The following CLEC12A variants were observed in gnomAD, a reference collection of about 807,000 sequenced individuals.
CLEC12A encodes C-type lectin protein CLL-1.
CLEC12A carries 22 observed loss-of-function variants against 26.5 expected under a neutral mutation model. That is an observed-to-expected ratio of 0.83 (90% CI 0.59 to 1.19). The LOEUF is 1.19. Ranked by LOEUF, CLEC12A falls within the 50% of genes most tolerant of loss-of-function variation. The pLI is 0.00. For synonymous variants in CLEC12A, 119 were observed against 101.9 expected (o/e 1.17, Z -1.01); for missense variants, 353 against 315.6 (o/e 1.12, Z -0.90).
chr12:9,984,245 A>T (rs1864681606), intron 5 of CLEC12A: 1 of 152,562 alleles, frequency 6.6e-6, no homozygotes, highest in Admixed American at 6.5e-5. Context: ...CATTTAATTG[A>T]TGAACTTATT....
chr12:9,985,291 G>T lies in CLEC12A; in HGVS notation c.*265G>T. 4 of 402,402 alleles carry T rather than the reference G, an allele frequency of 9.9e-6. No homozygotes were observed. Among genetic ancestry groups the T allele is most frequent in the Non-Finnish European group, 1.3e-5 (3 of 230,918 alleles). 24.9% of individuals were successfully genotyped at this position (402,402 alleles called of 1,614,324 possible). A position where few individuals can be genotyped will look rare whatever the true frequency, so the allele number is the denominator to read the frequency against. On this transcript the variant is annotated 3_prime_UTR_variant, in exon 6 of 6. Transcript: ENST00000304361. The stretch of plus-strand genomic sequence containing the variant: ...AGAGGAAGTCCATTCAGATAGTTGT[G>T]GGGGGCCTTCGAATTTTCATTTTCA...
intron 1 of CLEC12A, among the ~76,000 whole-genome samples, chr12:9,953,571 G>A (rs1165998895): frequency 1.1e-4 from 16 of 148,160 alleles, no homozygotes; most frequent in African/African-American, 3.3e-4. Context: ...CAGCCGCCCC[G>A]TCCGGGAGGG....
upstream of CLEC12A, among the ~76,000 whole-genome samples, chr12:9,970,099 T>C (rs1864071338): frequency 6.6e-6 from 1 of 152,236 alleles, no homozygotes; most frequent in Non-Finnish European, 1.5e-5. Flanking sequence ...TAGCTTTTTC[T>C]TTATCAGGAG....
At chr12:9,964,915 G>C (rs932043002) in intron 1 of CLEC12A, among the ~76,000 whole-genome samples, 1 of 152,176 alleles carries the variant, frequency 6.6e-6, no homozygotes, top group Non-Finnish European at 1.5e-5. Flanking sequence ...AGTCATAGGG[G>C]TCAGGTGTGG....
downstream of CLEC12A, among the ~76,000 whole-genome samples, chr12:9,990,571 G>A (rs1288356444): frequency 6.6e-6 from 1 of 152,160 alleles, no homozygotes; most frequent in Non-Finnish European, 1.5e-5. Flanking sequence ...GATGAGCAAA[G>A]AAAATGGTTC....
intron 1 of CLEC12A, among the ~76,000 whole-genome samples, chr12:9,958,495 G>A (rs946479949): frequency 1.3e-5 from 2 of 152,188 alleles, no homozygotes; most frequent in African/African-American, 4.8e-5. Context: ...GCTTTATAAT[G>A]ATGTGGCAGG....
At chr12:9,962,023 C>A (rs1863837076) in intron 1 of CLEC12A, among the ~76,000 whole-genome samples, 1 of 152,166 alleles carries the variant, frequency 6.6e-6, no homozygotes, top group South Asian at 2.1e-4. Context: ...GTTGTTCTCG[C>A]TGAGTGTACC....
intron 4 of CLEC12A, among the ~76,000 whole-genome samples, chr12:9,993,837 T>C (rs1311346836): frequency 6.6e-6 from 1 of 152,128 alleles, no homozygotes; most frequent in Non-Finnish European, 1.5e-5. Context: ...TATAATGAGA[T>C]GACAAGGAAT....
intron 1 of CLEC12A, 57 bp from the exon 2 acceptor site, chr12:9,978,909 A>C: frequency 8.3e-7 from 1 of 1,206,238 alleles, no homozygotes; most frequent in Non-Finnish European, 1.2e-6. Flanking sequence ...ATGAGTAAAT[A>C]ATCCAAATGA....
At chr12:9,984,317 T>A (rs1390081132) in intron 5 of CLEC12A, 1 of 152,356 alleles carries the variant, frequency 6.6e-6, no homozygotes, top group African/African-American at 2.4e-5. Context: ...TAAAAGGTAA[T>A]ATTTTTAATT....
At chr12:9,985,997 C>G (rs906047544), downstream of CLEC12A, 2 of 231,766 alleles carry the variant, frequency 8.6e-6, no homozygotes, top group Non-Finnish European at 1.9e-5. Context: ...CAATCTTCTG[C>G]CCCCTCCTCT....
chr12:9,968,552 C>G (rs1864022557), upstream of CLEC12A, among the ~76,000 whole-genome samples: 1 of 152,044 alleles, frequency 6.6e-6, no homozygotes, highest in African/African-American at 2.4e-5. Flanking sequence ...TCAGTTAAGG[C>G]AGGAACAGGC....
chr12:9,958,423 G>A (rs533627341), intron 1 of CLEC12A, among the ~76,000 whole-genome samples: 4 of 152,274 alleles, frequency 2.6e-5, no homozygotes, highest in Non-Finnish European at 4.4e-5. Flanking sequence ...ACCTATAAAT[G>A]CCAAGTGGAG....
chr12:9,986,170 A>G, downstream of CLEC12A: 1 of 455,192 alleles, frequency 2.2e-6, no homozygotes, highest in Non-Finnish European at 4.4e-6. Flanking sequence ...TGGAAGTAAA[A>G]CAAGAAGAGA....
At chr12:9,975,714 A>G (rs530052555) in intron 1 of CLEC12A, among the ~76,000 whole-genome samples, 1 of 152,346 alleles carries the variant, frequency 6.6e-6, no homozygotes, top group African/African-American at 2.4e-5. Flanking sequence ...AAGCCAAATG[A>G]TAATCGCCAA....
intron 1 of CLEC12A, among the ~76,000 whole-genome samples, chr12:9,965,569 G>GA (rs1379170901): frequency 6.6e-6 from 1 of 152,016 alleles, no homozygotes; most frequent in Admixed American, 6.6e-5. Flanking sequence ...ACCCAGAACA[G>GA]AATAATGGGT....
At chr12:9,973,528 C>T (rs1003433360) in intron 1 of CLEC12A, among the ~76,000 whole-genome samples, 5 of 152,082 alleles carry the variant, frequency 3.3e-5, no homozygotes, top group African/African-American at 1.2e-4. Flanking sequence ...TGGTTAAACC[C>T]GAATATCCAC....
chr12:9,975,006 G>A (rs1044392402), intron 1 of CLEC12A, among the ~76,000 whole-genome samples: 1 of 152,130 alleles, frequency 6.6e-6, no homozygotes, highest in East Asian at 1.9e-4. Flanking sequence ...GAGTTTTCCT[G>A]CACAAGTTCT....
rs1864577554 is a variant in CLEC12A at position 9,982,023 on chromosome 12, T to G, written c.535T>G (p.Phe179Val). 1 of 1,487,850 alleles carries G rather than the reference T, an allele frequency of 6.7e-7. No individual in the cohort carries two copies. Among genetic ancestry groups the G allele is most frequent in the African/African-American group, 1.4e-5 (1 of 72,320 alleles). The allele number at this position is 1,487,850 out of a possible 1,614,324, so 92.2% of individuals were successfully genotyped here. Residue 179 changes from phenylalanine to valine, a missense_variant, in exon 5 of 6, where the codon TTT becomes GTT. Transcript: ENST00000304361. ...AGACTATCTGTATTTCCTGTAGGAA[T>G]TTATAAAATCCCAGAGTAGATCATA... ...LKINNKNALEFIKSQSRSYDY... is the reference protein window; with the variant it reads ...LKINNKNALEVIKSQSRSYDY...
Sources: gnomAD v4.1 joint callset for allele counts (sites outside exome capture counted in the v4.1 genomes callset) on GRCh38, gnomAD v4.1.1 for gene constraint, MANE v1.5 for transcripts, NCBI Gene and HGNC (gene_info 2026-07-23, HGNC 2026-07-21) for gene names.